Variants in KANSL1 observed in about 807,000 individuals in gnomAD.
KANSL1 encodes the protein MLL1/MLL complex subunit KANSL1.
In KANSL1, 22 loss-of-function variants were observed where a neutral mutation model predicts 103.6. The observed-to-expected ratio is 0.21, with a 90% confidence interval of 0.15 to 0.30. KANSL1 has a LOEUF of 0.30. KANSL1 is among the 10% of genes least tolerant of loss of function. The pLI, the probability that KANSL1 is intolerant of heterozygous loss-of-function variation, is 1.00. For synonymous variants in KANSL1, 600 were observed against 527.6 expected (o/e 1.14, Z -1.88); for missense variants, 1,337 against 1,399.8 (o/e 0.96, Z 0.72).
chr17:46,188,863 T>A (rs191676762), intron 1 of KANSL1, among the ~76,000 whole-genome samples: 170 of 151,844 alleles, frequency 1.1e-3, no homozygotes, highest in African/African-American at 4.0e-3. Flanking sequence ...AAACCCCATC[T>A]ATACTAAAAA....
At chr17:46,219,347 C>A (rs1162326753) in intron 1 of KANSL1, among the ~76,000 whole-genome samples, 1 of 151,346 alleles carries the variant, frequency 6.6e-6, no homozygotes, top group Admixed American at 6.6e-5. Context: ...ACTTTAAGAA[C>A]AAGTTAATTT....
At chr17:46,061,492 C>T (rs2078156053) in intron 6 of KANSL1, among the ~76,000 whole-genome samples, 1 of 152,068 alleles carries the variant, frequency 6.6e-6, no homozygotes, top group South Asian at 2.1e-4. Context: ...TAATTACTAA[C>T]ATCCACCATA....
chr17:46,086,253 A>G (rs568040627), intron 3 of KANSL1, among the ~76,000 whole-genome samples: 3 of 152,338 alleles, frequency 2.0e-5, no homozygotes, highest in African/African-American at 7.2e-5. Context: ...CAACCCTCAG[A>G]TAGATTATGA....
At chr17:46,212,629 CA>C (rs1335259386) in intron 1 of KANSL1, among the ~76,000 whole-genome samples, 1 of 152,178 alleles carries the variant, frequency 6.6e-6, no homozygotes, top group African/African-American at 2.4e-5. Flanking sequence ...TCTCAATTCT[CA>C]CTAATATGAA....
chr17:46,084,227 C>T (rs748792293), intron 3 of KANSL1, among the ~76,000 whole-genome samples: 41 of 151,646 alleles, frequency 2.7e-4, no homozygotes, highest in Middle Eastern at 6.8e-3. Context: ...ACTAAAAATA[C>T]AAAAATTGCC....
chr17:46,109,594 T>G (rs929827769), intron 2 of KANSL1, among the ~76,000 whole-genome samples: 1 of 152,182 alleles, frequency 6.6e-6, no homozygotes, highest in African/African-American at 2.4e-5. Flanking sequence ...GTTGAGCTAG[T>G]TTTCAGTTAA....
chr17:46,135,316 T>C (rs563265121), intron 2 of KANSL1, among the ~76,000 whole-genome samples: 8 of 150,190 alleles, frequency 5.3e-5, no homozygotes, highest in South Asian at 2.1e-4. Context: ...AGTTGGGCAA[T>C]GCACACATGG....
intron 2 of KANSL1, among the ~76,000 whole-genome samples, chr17:46,122,885 T>C (rs2043345440): frequency 6.6e-6 from 1 of 152,248 alleles, no homozygotes; most frequent in Non-Finnish European, 1.5e-5. Context: ...CTCCACTGAA[T>C]GGCCATTCCC....
intron 6 of KANSL1, among the ~76,000 whole-genome samples, chr17:46,064,028 T>A (rs2078275997): frequency 7.3e-6 from 1 of 137,536 alleles, no homozygotes; most frequent in African/African-American, 2.7e-5. Flanking sequence ...CCTCTGAAAA[T>A]CTTTTAGAGA....
chr17:46,224,786 C>A (rs2148081580), upstream of KANSL1: 1 of 149,814 alleles, frequency 6.7e-6, no homozygotes, highest in Non-Finnish European at 1.5e-5. Flanking sequence ...CCACCGCGGA[C>A]CCCAGTCCCA....
At chr17:46,203,484 C>T (rs2047869446) in intron 1 of KANSL1, among the ~76,000 whole-genome samples, 1 of 152,214 alleles carries the variant, frequency 6.6e-6, no homozygotes, top group Non-Finnish European at 1.5e-5. Flanking sequence ...CATAAACATA[C>T]TGAGTACCAG....
intron 2 of KANSL1, among the ~76,000 whole-genome samples, chr17:46,112,314 G>C (rs2042845877): frequency 7.3e-6 from 1 of 136,552 alleles, no homozygotes. Flanking sequence ...GTTGCAGTGA[G>C]CCAAGATCAA....
At chr17:46,138,538 CGTG>C (rs2044266305) in intron 2 of KANSL1, among the ~76,000 whole-genome samples, 1 of 152,180 alleles carries the variant, frequency 6.6e-6, no homozygotes, top group Non-Finnish European at 1.5e-5. Context: ...CACGGAAGTT[CGTG>C]GAACAAGTCA....
intron 2 of KANSL1, among the ~76,000 whole-genome samples, chr17:46,160,370 T>G (rs2045667145): frequency 6.6e-6 from 1 of 152,214 alleles, no homozygotes; most frequent in Non-Finnish European, 1.5e-5. Context: ...CAATCTCGAC[T>G]CACTGCAACC....
chr17:46,059,525 A>T (rs1013852087), intron 6 of KANSL1, among the ~76,000 whole-genome samples: 2 of 151,254 alleles, frequency 1.3e-5, no homozygotes, highest in African/African-American at 4.9e-5. Flanking sequence ...AGGCTGAGGC[A>T]GGAAGGAGAA....
At chr17:46,125,210 A>G (rs2043498787) in intron 2 of KANSL1, among the ~76,000 whole-genome samples, 1 of 152,200 alleles carries the variant, frequency 6.6e-6, no homozygotes, top group Non-Finnish European at 1.5e-5. Flanking sequence ...ACCTTCCACC[A>G]GCAAAAAAGA....
At chr17:46,052,219 C>T (rs972798800) in intron 6 of KANSL1, among the ~76,000 whole-genome samples, 2 of 152,168 alleles carry the variant, frequency 1.3e-5, no homozygotes, top group African/African-American at 4.8e-5. Flanking sequence ...AAGAGATTAT[C>T]TCACTCCAGT....
chr17:46,181,094 A>T (rs540104376), intron 1 of KANSL1, among the ~76,000 whole-genome samples: 1 of 152,348 alleles, frequency 6.6e-6, no homozygotes, highest in African/African-American at 2.4e-5. Flanking sequence ...TAATAGTCAA[A>T]GTCTCTACCA....
chr17:46,168,880 G>A (rs1180881707), intron 2 of KANSL1, among the ~76,000 whole-genome samples: 1 of 152,238 alleles, frequency 6.6e-6, no homozygotes, highest in African/African-American at 2.4e-5. Context: ...TCAGAACTAA[G>A]TAGTGAATGA....
Sources: gnomAD v4.1 joint callset for allele counts (sites outside exome capture counted in the v4.1 genomes callset) on GRCh38, gnomAD v4.1.1 for gene constraint, MANE v1.5 for transcripts, NCBI Gene and HGNC (gene_info 2026-07-23, HGNC 2026-07-21) for gene names.